The following CASP2 variants were observed in gnomAD, a reference collection of about 807,000 sequenced individuals.
CASP2 encodes caspase 2.
In CASP2, 38 loss-of-function variants were observed where a neutral mutation model predicts 54.4. The observed-to-expected ratio is 0.70, with a 90% CI of 0.54 to 0.92. CASP2 has a LOEUF of 0.92. Among genes scored for constraint, CASP2 ranks in the 40% least tolerant of loss-of-function variants. CASP2 has a pLI of 0.00. For missense variants in CASP2, 512 were observed against 579.6 expected (o/e 0.88, Z 1.20); for synonymous variants, 215 against 216.3 (o/e 0.99, Z 0.05).
chr7:143,291,263 T>C (rs1801547656), intron 1 of CASP2, among the ~76,000 whole-genome samples: 1 of 152,198 alleles, frequency 6.6e-6, no homozygotes, highest in African/African-American at 2.4e-5. Context: ...CTTGGGGGTA[T>C]TGTTTTGCTT....
chr7:143,297,318 G>T (rs968961069), intron 6 of CASP2, among the ~76,000 whole-genome samples: 24 of 152,124 alleles, frequency 1.6e-4, no homozygotes, highest in African/African-American at 4.8e-4. Context: ...TTATTGAATG[G>T]TTTAGTCTTA....
chr7:143,297,671 T>G (rs1801795495), intron 6 of CASP2, among the ~76,000 whole-genome samples: 1 of 152,232 alleles, frequency 6.6e-6, no homozygotes, highest in Non-Finnish European at 1.5e-5. Flanking sequence ...GGTCTCAAAC[T>G]CCTGACCTCA....
chr7:143,293,689 T>G (rs1586456996), intron 4 of CASP2, among the ~76,000 whole-genome samples: 1 of 151,996 alleles, frequency 6.6e-6, no homozygotes, highest in Admixed American at 6.6e-5. Flanking sequence ...TTTTGTGTTT[T>G]TAGTAAGAGA....
intron 8 of CASP2, 120 bp downstream of exon 8, chr7:143,300,414 C>A (rs779757480): frequency 1.3e-6 from 2 of 1,598,452 alleles, no homozygotes; most frequent in Non-Finnish European, 1.7e-6. Context: ...TCCTTCTGTT[C>A]ACTGCTGCCA....
Position 143,297,694 on chromosome 7 carries a change from G to A in CASP2, c.748-2229G>A, listed in dbSNP as rs554024008. On this transcript the variant is annotated intron_variant, in intron 6 of 10. Coordinates refer to ENST00000310447, the MANE Select transcript of CASP2 (RefSeq NM_032982.4). ...ACTCCTGACCTCAGGTGATCCACCC[G>A]CCTCGGCCTCCCGAAGTGCTGGGAT... is the stretch of plus-strand genomic sequence containing the variant. 5.3e-5 allele frequency among the ~76,000 whole-genome samples: 8 copies of A among 152,290 alleles called. No homozygotes were observed. The South Asian group carries it at 6.2e-4, about 12-fold the overall frequency.
chr7:143,294,658 C>T lies in CASP2; in HGVS notation c.632C>T (p.Thr211Ile). The T allele has an allele frequency of 6.2e-7, 1 of 1,614,200 alleles. No individual in the cohort carries two copies. Among genetic ancestry groups the T allele is most frequent in the Non-Finnish European group, 8.5e-7 (1 of 1,180,038 alleles). The change falls in exon 6 of 11, where the codon ACT (threonine) becomes ATT (isoleucine). Residue 211 changes from threonine (T) to isoleucine (I), a missense_variant. Thr to Ile is a moderately conservative substitution (Grantham distance 89). Around this residue, in one of 3 missense-constraint regions of CASP2, gnomAD observed 417 missense variants for 495.4 expected, o/e 0.84. Transcript: ENST00000310447. The part of the protein sequence containing the change: ...LALVLSNVHF[T>I]GEKELEFRSG... Reference sequence around the variant, plus strand: ...CTGGTGTTGAGCAATGTGCACTTCACTGGAGAGAAAGAACTGGAATTTCGC... The same window carrying T: ...CTGGTGTTGAGCAATGTGCACTTCATTGGAGAGAAAGAACTGGAATTTCGC...
At chr7:143,289,376 G>A (rs975249662) in intron 1 of CASP2, among the ~76,000 whole-genome samples, 1 of 152,212 alleles carries the variant, frequency 6.6e-6, no homozygotes, top group African/African-American at 2.4e-5. Flanking sequence ...TAAAACTAAA[G>A]AGTTGATTGA....
At chr7:143,288,647 C>G in intron 1 of CASP2, 118 bp downstream of exon 1, 2 of 972,850 alleles carry the variant, frequency 2.1e-6, no homozygotes, top group Non-Finnish European at 3.1e-6. Flanking sequence ...GCCGTGTCCG[C>G]GCTTCCTGCC....
intron 6 of CASP2, among the ~76,000 whole-genome samples, chr7:143,296,252 G>T (rs771575488): frequency 6.6e-6 from 1 of 152,134 alleles, no homozygotes; most frequent in Non-Finnish European, 1.5e-5. Context: ...TAATTCTTTG[G>T]TTGAATTGCT....
chr7:143,294,605 G>C lies in CASP2; in HGVS notation c.579G>C (p.Arg193Ser). The change falls in exon 6 of 11, where the codon AGG (arginine) becomes AGC (serine). Residue 193 changes from arginine (R) to serine (S), a missense_variant. Physicochemically the swap from Arg to Ser is moderately radical, Grantham distance 110. Coordinates refer to ENST00000310447, the MANE Select transcript of CASP2 (RefSeq NM_032982.4). ...TGGCCTCTCCTCCACAGGCATATAGGTTGCAGTCTCGGCCTCGTGGCCTAG... is the reference window on the plus strand; with the variant it reads ...TGGCCTCTCCTCCACAGGCATATAGCTTGCAGTCTCGGCCTCGTGGCCTAG... ...FYQTHFQLAY[R>S]LQSRPRGLAL... 6.2e-7 allele frequency: 1 copy of C among 1,614,132 alleles called. No individual in the cohort carries two copies. The highest frequency in any genetic ancestry group is 8.5e-7 in the Non-Finnish European group (1 of 1,180,026).
chr7:143,292,539 G>A, intron 3 of CASP2, 72 bp downstream of exon 3: 3 of 1,603,716 alleles, frequency 1.9e-6, no homozygotes, highest in South Asian at 1.1e-5. Flanking sequence ...AAGTCAGAGT[G>A]AGGGAGACTA....
At chr7:143,296,734 A>C (rs1429405119) in intron 6 of CASP2, among the ~76,000 whole-genome samples, 2 of 71,298 alleles carry the variant, frequency 2.8e-5, no homozygotes, top group Non-Finnish European at 6.5e-5. Flanking sequence ...AAACAGAACC[A>C]AAAAAAAAAA....
intron 6 of CASP2, among the ~76,000 whole-genome samples, chr7:143,297,662 G>T (rs1412060894): frequency 6.6e-6 from 1 of 151,990 alleles, no homozygotes; most frequent in African/African-American, 2.4e-5. Flanking sequence ...GGTCAGGCTG[G>T]TCTCAAACTC....
chr7:143,295,842 C>T (rs953890155), intron 6 of CASP2, among the ~76,000 whole-genome samples: 3 of 152,188 alleles, frequency 2.0e-5, no homozygotes, highest in African/African-American at 7.2e-5. Context: ...GCTTCAAAGC[C>T]ATGGCAGCAA....
At chr7:143,292,789 T>A in intron 4 of CASP2, 91 bp downstream of exon 4, 1 of 985,822 alleles carries the variant, frequency 1.0e-6, no homozygotes, top group East Asian at 2.4e-5. Flanking sequence ...GGCGGGTGGA[T>A]CACCTGAGGT....
chr7:143,303,759 T>A, intron 8 of CASP2, 25 bp from the exon 9 acceptor site: 1 of 1,611,514 alleles, frequency 6.2e-7, no homozygotes, highest in Non-Finnish European at 8.5e-7. Context: ...AACATCATTG[T>A]CCATTCTGTC....
chr7:143,294,109 TAGTG>T (rs1801672065), intron 4 of CASP2, 117 bp from the exon 5 acceptor site: 1 of 722,504 alleles, frequency 1.4e-6, no homozygotes, highest in East Asian at 2.5e-5. Context: ...CAGGTTTGGG[TAGTG>T]AGTGAGACCA....
chr7:143,296,785 A>G (rs904238945), intron 6 of CASP2, among the ~76,000 whole-genome samples: 1 of 151,954 alleles, frequency 6.6e-6, no homozygotes, highest in African/African-American at 2.4e-5. Flanking sequence ...TTTCTTACTT[A>G]AGAGAGGAAT....
intron 6 of CASP2, among the ~76,000 whole-genome samples, chr7:143,298,200 T>A (rs1195593408): frequency 6.6e-6 from 1 of 152,264 alleles, no homozygotes; most frequent in Non-Finnish European, 1.5e-5. Context: ...TACTGCAATA[T>A]GTTATATTAT....
Sources: gnomAD v4.1 joint callset for allele counts (sites outside exome capture counted in the v4.1 genomes callset) on GRCh38, gnomAD v4.1.1 for gene constraint, gnomAD v4.1.1 regional missense constraint, MANE v1.5 for transcripts, NCBI Gene and HGNC (gene_info 2026-07-23, HGNC 2026-07-21) for gene names.